COL8A1: variants seen among roughly 807,000 people sequenced by gnomAD.
COL8A1 encodes collagen alpha-1(VIII) chain.
COL8A1 carries 21 observed loss-of-function variants against 42.7 expected under a neutral mutation model. The observed-to-expected ratio is 0.49, with a 90% CI of 0.35 to 0.71. The LOEUF (loss-of-function observed/expected upper bound fraction) is 0.71. Among genes scored for constraint, COL8A1 ranks in the 30% least tolerant of loss-of-function variants. The probability of loss-of-function intolerance (pLI) is 0.01; values close to 1 mark genes in which losing one functional copy is unlikely to be tolerated. For synonymous variants in COL8A1, 367 were observed against 369.1 expected, an observed-to-expected ratio of 0.99 and a Z score of 0.06; for missense variants, 788 against 962.4, an observed-to-expected ratio of 0.82 and a Z score of 2.40.
At chr3:99,732,324 G>C (rs569922365) in intron 1 of COL8A1, among the ~76,000 whole-genome samples, 295 of 152,182 alleles carry the variant, frequency 1.9e-3, no homozygotes, top group African/African-American at 6.8e-3. Context: ...TGCTAATAAA[G>C]ACATACCCAA....
chr3:99,706,057 T>A (rs1308000982), intron 1 of COL8A1, among the ~76,000 whole-genome samples: 3 of 152,140 alleles, frequency 2.0e-5, no homozygotes, highest in African/African-American at 7.2e-5. Flanking sequence ...GAGTGACAGG[T>A]AAATAAATTA....
chr3:99,683,126 G>A (rs1018816119), intron 1 of COL8A1, among the ~76,000 whole-genome samples: 1 of 152,162 alleles, frequency 6.6e-6, no homozygotes, highest in African/African-American at 2.4e-5. Flanking sequence ...TAAGTGGTTT[G>A]GAGTTGTAGA....
At chr3:99,719,861 T>C (rs1342949099) in intron 1 of COL8A1, among the ~76,000 whole-genome samples, 1 of 152,088 alleles carries the variant, frequency 6.6e-6, no homozygotes, top group East Asian at 1.9e-4. Flanking sequence ...CAATGTAAAT[T>C]ATTTAAGTGA....
At chr3:99,641,308 T>C (rs1937505425) in intron 1 of COL8A1, among the ~76,000 whole-genome samples, 3 of 152,326 alleles carry the variant, frequency 2.0e-5, no homozygotes, top group Admixed American at 6.5e-5. Flanking sequence ...AATCCATGTC[T>C]GCTCTTGTCT....
At chr3:99,732,152 TA>T (rs1940529090) in intron 1 of COL8A1, among the ~76,000 whole-genome samples, 1 of 152,156 alleles carries the variant, frequency 6.6e-6, no homozygotes, top group South Asian at 2.1e-4. Context: ...AATAAATAAA[TA>T]AAACGATTAA....
chr3:99,727,272 A>G (rs1258481354), intron 1 of COL8A1, among the ~76,000 whole-genome samples: 1 of 152,152 alleles, frequency 6.6e-6, no homozygotes, highest in African/African-American at 2.4e-5. Flanking sequence ...TTGTATCCTG[A>G]GACTTTGCTG....
intron 1 of COL8A1, among the ~76,000 whole-genome samples, chr3:99,657,619 C>T (rs980350257): frequency 7.2e-5 from 11 of 152,138 alleles, no homozygotes; most frequent in African/African-American, 2.7e-4. Context: ...CTCAACTTAA[C>T]GCATCTTAGC....
intron 1 of COL8A1, among the ~76,000 whole-genome samples, chr3:99,668,960 A>C (rs1938446559): frequency 6.6e-6 from 1 of 151,768 alleles, no homozygotes; most frequent in Non-Finnish European, 1.5e-5. Context: ...CAGCTTTAGT[A>C]GGTCAGAAAT....
intron 1 of COL8A1, among the ~76,000 whole-genome samples, chr3:99,673,036 T>A (rs1938592013): frequency 6.6e-6 from 1 of 152,036 alleles, no homozygotes; most frequent in Admixed American, 6.6e-5. Flanking sequence ...CATATCCCCA[T>A]GCTATATCCC....
At chr3:99,735,948 T>C (rs1204294362) in intron 1 of COL8A1, among the ~76,000 whole-genome samples, 9 of 152,070 alleles carry the variant, frequency 5.9e-5, no homozygotes, top group Admixed American at 4.6e-4. Context: ...TAGAGGTGTT[T>C]GTAGTATTCT....
At chr3:99,729,084 G>A (rs1940423598) in intron 1 of COL8A1, among the ~76,000 whole-genome samples, 1 of 151,936 alleles carries the variant, frequency 6.6e-6, no homozygotes, top group Non-Finnish European at 1.5e-5. Context: ...GAGGAATTCT[G>A]GGAAACATTT....
chr3:99,716,686 ACAGCTAACCCT>A (rs1414335946), intron 1 of COL8A1, among the ~76,000 whole-genome samples: 9 of 152,156 alleles, frequency 5.9e-5, no homozygotes, highest in African/African-American at 2.2e-4. Context: ...AGCCACAATT[ACAGCTAACCCT>A]CAGCACTTCT....
chr3:99,650,016 C>T (rs1937789662), intron 1 of COL8A1, among the ~76,000 whole-genome samples: 1 of 151,844 alleles, frequency 6.6e-6, no homozygotes, highest in Admixed American at 6.6e-5. Flanking sequence ...AGAACAAACA[C>T]TTTAGCTTGA....
At chr3:99,683,517 G>A (rs1938955500) in intron 1 of COL8A1, among the ~76,000 whole-genome samples, 1 of 152,110 alleles carries the variant, frequency 6.6e-6, no homozygotes, top group South Asian at 2.1e-4. Context: ...CCTATAATTA[G>A]GCACAATGTG....
chr3:99,711,134 G>A (rs1487206888), intron 1 of COL8A1, among the ~76,000 whole-genome samples: 11 of 151,922 alleles, frequency 7.2e-5, no homozygotes, highest in Non-Finnish European at 8.8e-5. Flanking sequence ...TTTTTCAATT[G>A]CAAATCTTCA....
chr3:99,720,330 CAGAT>C lies in COL8A1; in HGVS notation c.-128-24566_-128-24563del, dbSNP rs566830555. Among the ~76,000 whole-genome samples the C allele has an allele frequency of 3.3e-3, 504 of 152,082 alleles. 2 individuals carry two copies. The highest frequency in any genetic ancestry group is 0.012 in the African/African-American group (486 of 41,488). ...TATATTATTTTCTAATATTGAATGA[CAGAT>C]GGAAAATTTTCAGGGAAGGAGGTAG... On this transcript the variant is annotated intron_variant, in intron 1 of 3. Transcript: ENST00000652472.
At chr3:99,753,654 T>C (rs542369092) in intron 2 of COL8A1, among the ~76,000 whole-genome samples, 2 of 152,168 alleles carry the variant, frequency 1.3e-5, no homozygotes, top group East Asian at 1.9e-4. Flanking sequence ...ACTGCTTTTT[T>C]TTTACACAAA....
At chr3:99,665,794 G>A (rs1000747941) in intron 1 of COL8A1, among the ~76,000 whole-genome samples, 2 of 144,194 alleles carry the variant, frequency 1.4e-5, no homozygotes, top group East Asian at 4.1e-4. Flanking sequence ...CAATTCTCCT[G>A]CCTCAGCTTC....
intron 1 of COL8A1, among the ~76,000 whole-genome samples, chr3:99,738,384 G>T (rs1210370383): frequency 2.0e-5 from 3 of 152,222 alleles, no homozygotes; most frequent in African/African-American, 4.8e-5. Context: ...TAATGATGGT[G>T]ATGTACAGAT....
Sources: allele counts gnomAD v4.1 joint callset (sites outside exome capture counted in the v4.1 genomes callset), GRCh38; gene constraint gnomAD v4.1.1; transcripts MANE v1.5; gene names NCBI Gene and HGNC (gene_info 2026-07-23, HGNC 2026-07-21).